Variants in GALNT1 observed in about 807,000 individuals in gnomAD.
The protein encoded by GALNT1 is GalNAc transferase 1.
In GALNT1, 17 loss-of-function variants were observed where a neutral mutation model predicts 65.7. The ratio of observed to expected loss-of-function variants is 0.26; its 90% CI spans 0.18 to 0.39. GALNT1 has a LOEUF of 0.39. Ranked by LOEUF, GALNT1 falls within the 10% of genes least tolerant of loss-of-function variation. GALNT1 has a pLI of 1.00. For missense variants in GALNT1, 460 were observed against 672.8 expected (o/e 0.68, Z 3.50); for synonymous variants, 210 against 219.7 (o/e 0.96, Z 0.39).
chr18:35,614,916 TAA>T (rs1350259434), intron 1 of GALNT1, among the ~76,000 whole-genome samples: 71 of 152,158 alleles, frequency 4.7e-4, no homozygotes, highest in African/African-American at 1.6e-3. Flanking sequence ...GCAAGATCTT[TAA>T]ATAGAAAGGT....
intron 3 of GALNT1, among the ~76,000 whole-genome samples, chr18:35,676,518 C>T (rs1355540061): frequency 6.6e-6 from 1 of 152,186 alleles, no homozygotes; most frequent in African/African-American, 2.4e-5. Context: ...GTTACTTCAA[C>T]AGCTTCAGAA....
intron 2 of GALNT1, among the ~76,000 whole-genome samples, chr18:35,657,473 G>A (rs866769797): frequency 6.6e-6 from 1 of 152,144 alleles, no homozygotes; most frequent in South Asian, 2.1e-4. Context: ...AAAATAGATG[G>A]TAGTTTAAGT....
chr18:35,629,678 C>A (rs1417912348), intron 1 of GALNT1, among the ~76,000 whole-genome samples: 2 of 152,148 alleles, frequency 1.3e-5, no homozygotes, highest in African/African-American at 4.8e-5. Context: ...AAATAGCCAG[C>A]TGACATCATA....
chr18:35,631,249 T>A (rs2047004102), intron 1 of GALNT1, among the ~76,000 whole-genome samples: 1 of 151,798 alleles, frequency 6.6e-6, no homozygotes, highest in African/African-American at 2.4e-5. Flanking sequence ...AGACACAACT[T>A]TAAAAAAAGA....
chr18:35,683,479 C>G lies in GALNT1; in HGVS notation c.570C>G (p.Ile190Met). The change falls in exon 5 of 12, where the codon ATC (isoleucine) becomes ATG (methionine). Residue 190 changes from isoleucine (I) to methionine (M), a missense_variant. Physicochemically the swap from Ile to Met is conservative, Grantham distance 10. Transcript: ENST00000269195. ...VIRMEQRSGLIRARLKGAAVS... is the reference protein window; with the variant it reads ...VIRMEQRSGLMRARLKGAAVS... The stretch of plus-strand genomic sequence containing the variant: ...GAATGGAACAACGTTCTGGATTGAT[C>G]AGAGCTAGATTAAAAGGAGCTGCTG... The G allele has an allele frequency of 6.2e-7, 1 of 1,613,778 alleles. No homozygotes were observed. Among genetic ancestry groups the G allele is most frequent in the Non-Finnish European group, 8.5e-7 (1 of 1,179,826 alleles).
At chr18:35,688,551 A>AATT (rs2047904807) in intron 6 of GALNT1, among the ~76,000 whole-genome samples, 1 of 152,136 alleles carries the variant, frequency 6.6e-6, no homozygotes, top group South Asian at 2.1e-4. Flanking sequence ...TATTTTGATG[A>AATT]ATTAGACTCC....
At chr18:35,638,720 A>G (rs1452158134) in intron 1 of GALNT1, among the ~76,000 whole-genome samples, 1 of 152,190 alleles carries the variant, frequency 6.6e-6, no homozygotes, top group Admixed American at 6.5e-5. Flanking sequence ...TCTCCTACAC[A>G]TAGCTCCCAT....
intron 2 of GALNT1, among the ~76,000 whole-genome samples, chr18:35,658,318 T>C (rs1398106596): frequency 6.6e-6 from 1 of 151,878 alleles, no homozygotes; most frequent in Non-Finnish European, 1.5e-5. Context: ...GGTGTCAGGG[T>C]GTTCAGGGGA....
intron 1 of GALNT1, among the ~76,000 whole-genome samples, chr18:35,585,260 T>G (rs2046367084): frequency 6.6e-6 from 1 of 152,194 alleles, no homozygotes; most frequent in Non-Finnish European, 1.5e-5. Flanking sequence ...GGCACTTTGC[T>G]TATTTCTGGC....
chr18:35,700,435 C>G (rs1313811893), intron 9 of GALNT1, among the ~76,000 whole-genome samples: 1 of 152,126 alleles, frequency 6.6e-6, no homozygotes, highest in East Asian at 1.9e-4. Flanking sequence ...CCATGCCACC[C>G]ACCTCACCTG....
At chr18:35,670,832 C>T (rs1330183807) in intron 3 of GALNT1, among the ~76,000 whole-genome samples, 1 of 152,168 alleles carries the variant, frequency 6.6e-6, no homozygotes, top group Non-Finnish European at 1.5e-5. Flanking sequence ...TGGTTTAGGA[C>T]AACGGTGGCA....
chr18:35,676,319 G>A (rs1416171334), intron 3 of GALNT1, among the ~76,000 whole-genome samples: 2 of 152,128 alleles, frequency 1.3e-5, no homozygotes, highest in African/African-American at 2.4e-5. Flanking sequence ...GGGCTGCAGT[G>A]GAATATATCG....
intron 1 of GALNT1, among the ~76,000 whole-genome samples, chr18:35,627,983 T>A (rs961971422): frequency 6.6e-6 from 1 of 151,976 alleles, no homozygotes; most frequent in Non-Finnish European, 1.5e-5. Context: ...AGCATAGCAG[T>A]CTGAGATTGA....
intron 1 of GALNT1, among the ~76,000 whole-genome samples, chr18:35,595,077 G>A (rs554925835): frequency 6.6e-6 from 1 of 152,054 alleles, no homozygotes; most frequent in South Asian, 2.1e-4. Flanking sequence ...AGTTTTTTGG[G>A]ATGGGGCCTA....
At chr18:35,639,858 G>A (rs1307807148) in intron 1 of GALNT1, among the ~76,000 whole-genome samples, 2 of 152,060 alleles carry the variant, frequency 1.3e-5, no homozygotes, top group Non-Finnish European at 2.9e-5. Flanking sequence ...GTGCAGTGGT[G>A]CGATCTCAGC....
intron 1 of GALNT1, among the ~76,000 whole-genome samples, chr18:35,622,831 T>C (rs1240521777): frequency 6.6e-6 from 1 of 152,178 alleles, no homozygotes; most frequent in East Asian, 1.9e-4. Context: ...GTAAGTGAGT[T>C]GTTTTTTTAA....
intron 1 of GALNT1, among the ~76,000 whole-genome samples, chr18:35,586,680 G>A (rs984860567): frequency 6.6e-6 from 1 of 152,122 alleles, no homozygotes; most frequent in Non-Finnish European, 1.5e-5. Flanking sequence ...TCCTTGAAAA[G>A]GCTGTCATTC....
intron 11 of GALNT1, among the ~76,000 whole-genome samples, chr18:35,704,762 G>C (rs2048228052): frequency 6.6e-6 from 1 of 151,934 alleles, no homozygotes; most frequent in African/African-American, 2.4e-5. Flanking sequence ...TCCTGCCTCA[G>C]CCTCCTGAGT....
At chr18:35,699,472 C>T (rs2048119430) in intron 9 of GALNT1, among the ~76,000 whole-genome samples, 1 of 152,118 alleles carries the variant, frequency 6.6e-6, no homozygotes, top group South Asian at 2.1e-4. Flanking sequence ...CCAGGATAGT[C>T]AAGAGGTGAC....
Sources: gnomAD v4.1 joint callset for allele counts (sites outside exome capture counted in the v4.1 genomes callset) on GRCh38, gnomAD v4.1.1 for gene constraint, MANE v1.5 for transcripts, NCBI Gene and HGNC (gene_info 2026-07-23, HGNC 2026-07-21) for gene names.